CTSS: variants seen among roughly 807,000 people sequenced by gnomAD.
CTSS encodes the protein cathepsin S.
CTSS carries 15 observed loss-of-function variants against 39.9 expected under a neutral mutation model. That is an observed-to-expected ratio of 0.38 (90% CI 0.25 to 0.58). The LOEUF (loss-of-function observed/expected upper bound fraction) is 0.58, where lower values mean the gene tolerates loss of function less well. CTSS is among the 20% of genes least tolerant of loss of function. The probability of loss-of-function intolerance (pLI) is 0.70; values close to 1 mark genes in which losing one functional copy is unlikely to be tolerated. For missense variants in CTSS, 250 were observed against 398.2 expected (o/e 0.63, Z 3.17); for synonymous variants, 126 against 138.2 (o/e 0.91, Z 0.62).
chr1:150,740,662 G>A (rs770723833), intron 7 of CTSS, among the ~76,000 whole-genome samples: 3 of 151,696 alleles, frequency 2.0e-5, no homozygotes, highest in Non-Finnish European at 4.4e-5. Flanking sequence ...AAAGTGCTGG[G>A]ATTACAGGCA....
intron 4 of CTSS, among the ~76,000 whole-genome samples, chr1:150,754,568 T>A (rs376310930): frequency 3.3e-5 from 5 of 152,018 alleles, no homozygotes; most frequent in African/African-American, 9.6e-5. Context: ...ACTGGGATTA[T>A]AGGCATGTGC....
intron 2 of CTSS, among the ~76,000 whole-genome samples, chr1:150,760,447 A>G (rs1174672797): frequency 6.6e-6 from 1 of 152,244 alleles, no homozygotes; most frequent in Non-Finnish European, 1.5e-5. Context: ...GATCAGAAAA[A>G]GACAAGGGTA....
chr1:150,751,585 A>T (rs1002079166), intron 5 of CTSS, among the ~76,000 whole-genome samples, 196 bp downstream of exon 5: 1 of 152,144 alleles, frequency 6.6e-6, no homozygotes, highest in Non-Finnish European at 1.5e-5. Context: ...CTACTTCCTT[A>T]TTTGTACTAC....
At chr1:150,742,937 G>T (rs185019473) in intron 7 of CTSS, among the ~76,000 whole-genome samples, 1 of 152,224 alleles carries the variant, frequency 6.6e-6, no homozygotes, top group East Asian at 1.9e-4. Context: ...TGGTAGTAGG[G>T]TGATGTAGGT....
intron 7 of CTSS, among the ~76,000 whole-genome samples, chr1:150,739,607 G>A (rs1289794676): frequency 6.6e-6 from 1 of 152,136 alleles, no homozygotes; most frequent in East Asian, 1.9e-4. Context: ...GGAGGTTGCA[G>A]TGAGCTGAGA....
At chr1:150,757,705 A>T (rs1042843103) in intron 3 of CTSS, among the ~76,000 whole-genome samples, 153 bp downstream of exon 3, 17 of 152,214 alleles carry the variant, frequency 1.1e-4, no homozygotes, top group African/African-American at 3.6e-4. Context: ...AAATTTCTGT[A>T]CACGTTCTTA....
chr1:150,765,691 T>TA lies in CTSS; in HGVS notation c.-2+6dup, dbSNP rs1261330661. 1.3e-5 allele frequency: 2 copies of TA among 151,836 alleles called. No individual in the cohort carries two copies. Among genetic ancestry groups the TA allele is most frequent in the African/African-American group, 4.8e-5 (2 of 41,280 alleles). The allele number at this position is 151,836 out of a possible 1,614,324, so 9.4% of individuals were successfully genotyped here. On this transcript the variant is annotated splice_region_variant and intron_variant, in intron 1 of 7. Coordinates refer to ENST00000368985, the MANE Select transcript of CTSS (RefSeq NM_004079.5). ...CAAATGGGAGAAAAAGAACAAAGAG[T>TA]ACATACGTGATAGAACCAGCAGTTG...
chr1:150,757,077 AT>A, intron 3 of CTSS, among the ~76,000 whole-genome samples: 1 of 152,266 alleles, frequency 6.6e-6, no homozygotes, highest in African/African-American at 2.4e-5. Flanking sequence ...CTGCCATGGA[AT>A]AAAAAAACTG....
At chr1:150,762,425 A>G (rs1653285949) in intron 2 of CTSS, among the ~76,000 whole-genome samples, 1 of 152,202 alleles carries the variant, frequency 6.6e-6, no homozygotes, top group Non-Finnish European at 1.5e-5. Context: ...AAATAGACGA[A>G]CGGGACTCCA....
intron 3 of CTSS, among the ~76,000 whole-genome samples, chr1:150,756,122 G>C (rs1428447483): frequency 4.6e-5 from 7 of 151,230 alleles, no homozygotes; most frequent in African/African-American, 1.7e-4. Context: ...ACACTTTTTT[G>C]TTAAAAACTA....
Position 150,757,953 on chromosome 1 carries a change from A to G in CTSS, c.154T>C (p.Trp52Arg). ...KNEEAVRRLI[W>R]EKNLKFVMLH... ...ATCACAAACTTTAGATTCTTTTCCC[A>G]GATGAGACGTCGTACTGCTTCTTCA... The change falls in exon 3 of 8, where the codon TGG (tryptophan) becomes CGG (arginine). Residue 52 changes from tryptophan (W) to arginine (R), a missense_variant. Coordinates refer to ENST00000368985, the MANE Select transcript of CTSS (RefSeq NM_004079.5). 1 of 1,614,030 alleles carries G rather than the reference A, an allele frequency of 6.2e-7. No homozygotes were observed. The highest frequency in any genetic ancestry group is 8.5e-7 in the Non-Finnish European group (1 of 1,179,938).
At position 150,751,797 on chromosome 1, in the gene CTSS, T is replaced by G; in HGVS notation, c.611A>C (p.Tyr204Ser). Residue 204 changes from tyrosine (Y) to serine (S), a missense_variant, in exon 5 of 8, where the codon TAT becomes TCT. By Grantham distance (144) the Tyr-to-Ser change is moderately radical. Coordinates refer to ENST00000368985, the MANE Select transcript of CTSS (RefSeq NM_004079.5). ...AAGACGCACCATGGCTTTGTAGGGA[T>G]AGGAAGCGTCTGAGTCGATGCCCTT... is the stretch of plus-strand genomic sequence containing the variant. ...DNKGIDSDAS[Y>S]PYKAMDQKCQ... 6.2e-7 allele frequency: 1 copy of G among 1,614,118 alleles called. No homozygotes were observed. Among genetic ancestry groups the G allele is most frequent in the East Asian group, 2.2e-5 (1 of 44,882 alleles).
intron 7 of CTSS, 35 bp from the exon 8 acceptor site, chr1:150,733,180 C>T (rs111733660): frequency 0.011 from 16,775 of 1,474,024 alleles, 127 homozygotes; most frequent in Middle Eastern, 0.026. Context: ...ATTACAAATG[C>T]GTACAATCAA....
At chr1:150,741,872 C>A (rs1280698491) in intron 7 of CTSS, among the ~76,000 whole-genome samples, 8 of 120,142 alleles carry the variant, frequency 6.7e-5, no homozygotes, top group Non-Finnish European at 1.1e-4. Flanking sequence ...GAGACTCTGT[C>A]TCAAAAAAAA....
At chr1:150,765,014 A>G (rs1399583004) in intron 1 of CTSS, among the ~76,000 whole-genome samples, 1 of 152,098 alleles carries the variant, frequency 6.6e-6, no homozygotes, top group Non-Finnish European at 1.5e-5. Flanking sequence ...TATCTGGTAA[A>G]CCAAACACAT....
At chr1:150,744,468 TA>T (rs368350027) in intron 7 of CTSS, among the ~76,000 whole-genome samples, 6 of 30,950 alleles carry the variant, frequency 1.9e-4, no homozygotes, top group Non-Finnish European at 3.0e-4. Flanking sequence ...ATACATAATA[TA>T]TTATATATTA....
chr1:150,733,888 G>A (rs1652576708), intron 7 of CTSS, among the ~76,000 whole-genome samples: 1 of 152,146 alleles, frequency 6.6e-6, no homozygotes, highest in Non-Finnish European at 1.5e-5. Context: ...TGTTAGAGAT[G>A]TTGCAGAGAA....
rs1557805663 is a variant in CTSS at position 150,730,239 on chromosome 1, G to A, written c.*2807C>T. 1 of 152,144 alleles carries A rather than the reference G, an allele frequency of 6.6e-6. No individual in the cohort carries two copies. Among genetic ancestry groups the A allele is most frequent in the East Asian group, 1.9e-4 (1 of 5,190 alleles). 9.4% of individuals were successfully genotyped at this position (152,144 alleles called of 1,614,324 possible). ...TAATATAAGTTTTACACGACACGAG[G>A]GGCTCCATAAGGAAATAAAGGCCCA... On this transcript the variant is annotated 3_prime_UTR_variant, in exon 8 of 8. Coordinates refer to ENST00000368985, the MANE Select transcript of CTSS (RefSeq NM_004079.5).
intron 7 of CTSS, among the ~76,000 whole-genome samples, chr1:150,743,610 T>A (rs28479676): frequency 7.2e-5 from 7 of 97,482 alleles, no homozygotes; most frequent in Admixed American, 2.7e-4. Context: ...ACATAATATA[T>A]TATATATGTA....
Sources: gnomAD v4.1 joint callset for allele counts (sites outside exome capture counted in the v4.1 genomes callset) on GRCh38, gnomAD v4.1.1 for gene constraint, MANE v1.5 for transcripts, NCBI Gene and HGNC (gene_info 2026-07-23, HGNC 2026-07-21) for gene names.